Variants in FBXO43 observed in about 807,000 individuals in gnomAD.
The protein encoded by FBXO43 is F-box protein 43, also known as F-box only protein 43.
FBXO43 carries 22 observed loss-of-function variants against 56.7 expected under a neutral mutation model. The ratio of observed to expected loss-of-function variants is 0.39; its 90% CI spans 0.28 to 0.55. The LOEUF (loss-of-function observed/expected upper bound fraction) is 0.55. Ranked by LOEUF, FBXO43 falls within the 20% of genes least tolerant of loss-of-function variation. The pLI, the probability that FBXO43 is intolerant of heterozygous loss-of-function variation, is 0.66. For synonymous variants in FBXO43, 306 were observed against 294.5 expected, an observed-to-expected ratio of 1.04 and a Z score of -0.40; for missense variants, 733 against 814.9, an observed-to-expected ratio of 0.90 and a Z score of 1.22.
intron 3 of FBXO43, among the ~76,000 whole-genome samples, chr8:100,135,159 AC>A (rs1430137973): frequency 2.0e-5 from 3 of 152,222 alleles, no homozygotes; most frequent in South Asian, 2.1e-4. Flanking sequence ...TAATCTCAAC[AC>A]AATCTTTATA....
Position 100,141,970 on chromosome 8 carries a change from C to T in FBXO43, c.284G>A (p.Gly95Glu). The stretch of plus-strand genomic sequence containing the variant: ...TAATGTTGGGCCTTTTTCTTTCTTT[C>T]CAAGATATTCTTTATCTATATTATC... Reference protein sequence around the residue: ...SFDNIDKEYLGKKEKGPTLLY... With the variant: ...SFDNIDKEYLEKKEKGPTLLY... Residue 95 changes from glycine (G) to glutamate (E), a missense_variant, in exon 2 of 5, where the codon GGA becomes GAA. By Grantham distance (98) the Gly-to-Glu change is moderately conservative (BLOSUM62 -2). Transcript: ENST00000428847. 6.2e-7 allele frequency: 1 copy of T among 1,606,312 alleles called. No individual in the cohort carries two copies. Among genetic ancestry groups the T allele is most frequent in the South Asian group, 1.1e-5 (1 of 89,242 alleles).
In FBXO43 at chr8:100,141,888, GGGAGA is replaced by G; in HGVS notation, c.361_365del (p.Ser121HisfsTer10). ...GCAAGATACATTTCTTTTTTTGAGT[GGGAGA>G]TTCTAAAGGATGTGTTAAGCCCAGG... On this transcript the variant is annotated frameshift_variant, in exon 2 of 5. Transcript: ENST00000428847. LOFTEE classifies it high-confidence loss of function. The G allele has an allele frequency of 1.3e-6, 2 of 1,588,556 alleles. No homozygotes were observed. Among genetic ancestry groups the G allele is most frequent in the Non-Finnish European group, 1.7e-6 (2 of 1,172,374 alleles).
chr8:100,150,470 A>G (rs1814897836), upstream of FBXO43: 1 of 152,264 alleles, frequency 6.6e-6, no homozygotes. Context: ...TGCAAAATTA[A>G]AATAGCTGGG....
chr8:100,149,495 G>T (rs1814882809), upstream of FBXO43, among the ~76,000 whole-genome samples: 1 of 152,220 alleles, frequency 6.6e-6, no homozygotes, highest in Non-Finnish European at 1.5e-5. Context: ...GAGGTACTTT[G>T]TAACAGGGCT....
rs578026555 is a variant in FBXO43, at chr8:100,135,952, C to T, written c.1675-1588G>A. 9.0e-4 allele frequency among the ~76,000 whole-genome samples: 131 copies of T among 146,062 alleles called. 1 individual carries two copies. The highest frequency in any genetic ancestry group is 7.0e-3 in the Middle Eastern group (2 of 286). On this transcript the variant is annotated intron_variant, in intron 3 of 4. Coordinates refer to ENST00000428847, the MANE Select transcript of FBXO43 (RefSeq NM_001029860.4). Reference sequence around the variant, plus strand: ...CTTTTTTTTTTTTTTGAGAATAGAACATTTCATTATTTGGAGTTACATGGA... The same window carrying T: ...CTTTTTTTTTTTTTTGAGAATAGAATATTTCATTATTTGGAGTTACATGGA...
Position 100,133,738 on chromosome 8 carries a change from A to T in FBXO43, c.*64T>A. 1.3e-6 allele frequency: 2 copies of T among 1,496,588 alleles called. No homozygotes were observed. Among genetic ancestry groups the T allele is most frequent in the Non-Finnish European group, 1.8e-6 (2 of 1,114,524 alleles). The allele number at this position is 1,496,588 out of a possible 1,614,324, so 92.7% of individuals were successfully genotyped here. On this transcript the variant is annotated 3_prime_UTR_variant, in exon 5 of 5. Coordinates refer to ENST00000428847, the MANE Select transcript of FBXO43 (RefSeq NM_001029860.4). Reference sequence around the variant, plus strand: ...AATGGGAAGATTTGCATGTATTCAAAATATTCATAATTTTAAGTCAGATAA... The same window carrying T: ...AATGGGAAGATTTGCATGTATTCAATATATTCATAATTTTAAGTCAGATAA...
In FBXO43 at chr8:100,145,126, T is replaced by TA; in HGVS notation, c.9dup (p.Lys4Ter). 2 of 1,610,200 alleles carry TA rather than the reference T, an allele frequency of 1.2e-6. No individual in the cohort carries two copies. The highest frequency in any genetic ancestry group is 1.7e-6 in the Non-Finnish European group (2 of 1,178,542). On this transcript the variant is annotated frameshift_variant, in exon 1 of 5. Coordinates refer to ENST00000428847, the MANE Select transcript of FBXO43 (RefSeq NM_001029860.4). LOFTEE classifies it high-confidence loss of function. Reference sequence around the variant, plus strand: ...CAAGAAATTCTCTCATCTTTGTCTTTAAAACTCATGCCAAAATAATGCCAC... The same window carrying TA: ...CAAGAAATTCTCTCATCTTTGTCTTTAAAAACTCATGCCAAAATAATGCCAC...
At chr8:100,135,987 G>T (rs955229099) in intron 3 of FBXO43, among the ~76,000 whole-genome samples, 4 of 151,400 alleles carry the variant, frequency 2.6e-5, no homozygotes, top group African/African-American at 9.8e-5. Flanking sequence ...AGGGTTGCCA[G>T]CACAACAATA....
intron 2 of FBXO43, among the ~76,000 whole-genome samples, chr8:100,140,449 G>A (rs535088925): frequency 1.8e-4 from 27 of 152,204 alleles, no homozygotes; most frequent in African/African-American, 6.3e-4. Flanking sequence ...CAGCCTGGGC[G>A]ACAGAGCGAG....
Position 100,142,150 on chromosome 8 carries a change from ATCT to A in FBXO43, c.101_103del (p.Lys34del). On this transcript the variant is annotated inframe_deletion, in exon 2 of 5. Coordinates refer to ENST00000428847, the MANE Select transcript of FBXO43 (RefSeq NM_001029860.4). ...AGCTTGACCTGAGTGCCTTTGCGAC[ATCT>A]TCAAAATCTCTGTTTCTGCAAAGTG... 6.4e-7 allele frequency: 1 copy of A among 1,558,588 alleles called. No homozygotes were observed. Among genetic ancestry groups the A allele is most frequent in the Non-Finnish European group, 8.6e-7 (1 of 1,156,134 alleles).
chr8:100,144,791 G>A lies in FBXO43; in HGVS notation c.85+260C>T, dbSNP rs571905022. On this transcript the variant is annotated intron_variant, in intron 1 of 4. Transcript: ENST00000428847. ...CTAAAAATACAAAAAAATTATCCGG[G>A]CGTGGTGGCGGGCGCCTGTAGTCCC... is the stretch of plus-strand genomic sequence containing the variant. Among the ~76,000 whole-genome samples, 312 of 151,836 alleles carry A rather than the reference G, an allele frequency of 2.1e-3. 1 individual carries two copies. Among genetic ancestry groups the A allele is most frequent in the Non-Finnish European group, 3.2e-3 (214 of 67,886 alleles).
rs773479016 is a variant in FBXO43, at chr8:100,134,376, G to A, written c.1675-12C>T. On this transcript the variant is annotated splice_polypyrimidine_tract_variant and intron_variant, in intron 3 of 4. Coordinates refer to ENST00000428847, the MANE Select transcript of FBXO43 (RefSeq NM_001029860.4). ...TTTAATACAGCCCCCTGTGGTAAAG[G>A]ACAAGAGGCATCAATACTGCAATAC... 29 of 1,611,074 alleles carry A rather than the reference G, an allele frequency of 1.8e-5. No individual in the cohort carries two copies. In the Admixed American group the frequency reaches 4.2e-4, roughly 23 times the overall value.
In FBXO43 at chr8:100,134,628, T is replaced by C. The variant is rs1043350808; in HGVS notation, c.1675-264A>G. On this transcript the variant is annotated intron_variant, in intron 3 of 4. Transcript: ENST00000428847. Reference sequence around the variant, plus strand: ...GTTTGTATGGCTGGTTATTTTTCCATTTATTTTAAACTTGGTTCAGCAAAC... The same window carrying C: ...GTTTGTATGGCTGGTTATTTTTCCACTTATTTTAAACTTGGTTCAGCAAAC... Among the ~76,000 whole-genome samples, 35 of 152,112 alleles carry C rather than the reference T, an allele frequency of 2.3e-4. 1 individual carries two copies. Among genetic ancestry groups the C allele is most frequent in the Admixed American group, 2.1e-3 (32 of 15,298 alleles).
At chr8:100,143,872 A>G (rs1326215801) in intron 1 of FBXO43, among the ~76,000 whole-genome samples, 4 of 152,156 alleles carry the variant, frequency 2.6e-5, no homozygotes, top group African/African-American at 9.7e-5. Flanking sequence ...CCCGGGTTCA[A>G]CCAATTTTCC....
At chr8:100,139,504 GCTCA>G (rs1005230577) in intron 2 of FBXO43, among the ~76,000 whole-genome samples, 18 of 152,080 alleles carry the variant, frequency 1.2e-4, no homozygotes, top group Non-Finnish European at 1.9e-4. Flanking sequence ...CAAGAAAGAG[GCTCA>G]CTAACTTCCC....
intron 4 of FBXO43, 47 bp downstream of exon 4, chr8:100,134,112 ACT>A (rs932866927): frequency 1.2e-6 from 2 of 1,602,324 alleles, no homozygotes; most frequent in Admixed American, 1.7e-5. Context: ...TTTATTTCAA[ACT>A]CTGTAAATAT....
At chr8:100,142,610 T>TG (rs5893510) in intron 1 of FBXO43, among the ~76,000 whole-genome samples, 93,630 of 152,038 alleles carry the variant, frequency 0.62, 29,066 homozygotes, top group East Asian at 0.73. Context: ...TTAAACACCT[T>TG]GGGAATGTGT....
In FBXO43 at chr8:100,141,904, T is replaced by C. The variant is rs767780265; in HGVS notation, c.350A>G (p.His117Arg). Residue 117 changes from histidine to arginine, a missense_variant, in exon 2 of 5, where the codon CAT (histidine) becomes CGT (arginine). His to Arg is a conservative substitution (Grantham distance 29, BLOSUM62 0). Coordinates refer to ENST00000428847, the MANE Select transcript of FBXO43 (RefSeq NM_001029860.4). Reference protein sequence around the residue: ...HPETSGLGLTHPLESPTQKKK... With the variant: ...HPETSGLGLTRPLESPTQKKK... ...TTTTTGAGTGGGAGATTCTAAAGGA[T>C]GTGTTAAGCCCAGGCCTGAAGTTTC... 6.9e-6 allele frequency: 11 copies of C among 1,590,004 alleles called. No homozygotes were observed. The Admixed American group carries it at 1.7e-4, about 24-fold the overall frequency.
At chr8:100,146,536 A>C (rs771733251), upstream of FBXO43, among the ~76,000 whole-genome samples, 2 of 152,180 alleles carry the variant, frequency 1.3e-5, no homozygotes, top group Non-Finnish European at 2.9e-5. Context: ...AGTACCCTCA[A>C]AGCCAAATAA....
Sources: gnomAD v4.1 joint callset for allele counts (sites outside exome capture counted in the v4.1 genomes callset) on GRCh38, gnomAD v4.1.1 for gene constraint, MANE v1.5 for transcripts, NCBI Gene and HGNC (gene_info 2026-07-23, HGNC 2026-07-21) for gene names.